AUTS2: variants seen among roughly 807,000 people sequenced by gnomAD.
AUTS2 encodes autism susceptibility gene 2 protein.
In AUTS2, 17 loss-of-function variants were observed where a neutral mutation model predicts 112.4. The observed-to-expected ratio is 0.15, with a 90% CI of 0.10 to 0.23. The LOEUF (loss-of-function observed/expected upper bound fraction) is 0.23. Among genes scored for constraint, AUTS2 ranks in the 10% least tolerant of loss-of-function variants. The pLI is 1.00. For missense variants in AUTS2, 1,510 were observed against 1,701.6 expected (o/e 0.89, Z 1.98); for synonymous variants, 751 against 702.7 (o/e 1.07, Z -1.09).
chr7:70,461,720 T>A (rs576367002), intron 5 of AUTS2, among the ~76,000 whole-genome samples: 7 of 152,192 alleles, frequency 4.6e-5, no homozygotes, highest in African/African-American at 1.2e-4. Flanking sequence ...TAAATTACCC[T>A]AGGACACATA....
chr7:69,697,912 T>C (rs1048730262), intron 1 of AUTS2, among the ~76,000 whole-genome samples: 2 of 152,192 alleles, frequency 1.3e-5, no homozygotes, highest in Admixed American at 6.5e-5. Flanking sequence ...TTCAAGTAGA[T>C]CAGACATTTT....
At chr7:69,695,411 T>C (rs1469186565) in intron 1 of AUTS2, among the ~76,000 whole-genome samples, 5 of 152,108 alleles carry the variant, frequency 3.3e-5, no homozygotes, top group Non-Finnish European at 5.9e-5. Flanking sequence ...GTTGGTCATA[T>C]AGAGGAAATA....
intron 2 of AUTS2, among the ~76,000 whole-genome samples, chr7:69,927,761 C>T (rs1796079257): frequency 1.3e-5 from 2 of 152,226 alleles, no homozygotes; most frequent in Admixed American, 1.3e-4. Context: ...GTACCGGCCC[C>T]ATGTGAGGCT....
chr7:70,380,682 C>G (rs1793327009), intron 4 of AUTS2, among the ~76,000 whole-genome samples: 2 of 152,220 alleles, frequency 1.3e-5, no homozygotes, highest in African/African-American at 4.8e-5. Flanking sequence ...GAACTGGCGA[C>G]CATGGGCTTT....
rs972006736 is a variant in AUTS2 at position 70,694,725 on chromosome 7, G to A, written c.691-3844G>A. The A allele has an allele frequency of 4.3e-4, 63 of 148,198 alleles. No homozygotes were observed. The highest frequency in any genetic ancestry group is 3.7e-3 in the Admixed American group (55 of 14,968). The allele number at this position is 148,198 out of a possible 1,614,324, so 9.2% of individuals were successfully genotyped here. A position where few individuals can be genotyped will look rare whatever the true frequency, so the allele number is the denominator to read the frequency against. The stretch of plus-strand genomic sequence containing the variant: ...CGGCGGGGAGACAGTGGCGAGCGCG[G>A]GCCGGGCGATCTCGGCGGGCGCGCT... On this transcript the variant is annotated intron_variant, in intron 5 of 18. Transcript: ENST00000342771. The surrounding 1 kb of genome is among the most constrained non-coding windows in gnomAD (Gnocchi z 4.1).
At chr7:70,371,197 T>C (rs1407432932) in intron 4 of AUTS2, among the ~76,000 whole-genome samples, 7 of 152,176 alleles carry the variant, frequency 4.6e-5, no homozygotes, top group African/African-American at 1.7e-4. Context: ...ATTTTAAATA[T>C]ACCAGCGTTC....
At chr7:70,127,493 A>G (rs1355947403) in intron 3 of AUTS2, among the ~76,000 whole-genome samples, 2 of 152,088 alleles carry the variant, frequency 1.3e-5, no homozygotes, top group Non-Finnish European at 2.9e-5. Flanking sequence ...TGTCAGCTTC[A>G]ACCTCACTTC....
intron 2 of AUTS2, among the ~76,000 whole-genome samples, chr7:70,047,169 T>C (rs1030373873): frequency 3.3e-5 from 5 of 152,344 alleles, no homozygotes; most frequent in Admixed American, 1.3e-4. Flanking sequence ...TAGAGGATGG[T>C]ATTTAAGAAA....
intron 2 of AUTS2, among the ~76,000 whole-genome samples, chr7:69,946,347 G>A (rs185765511): frequency 3.7e-4 from 56 of 152,200 alleles, no homozygotes; most frequent in African/African-American, 1.3e-3. Flanking sequence ...ATGGAGAACC[G>A]TGTAGAAGTT....
At chr7:70,739,149 C>T (rs1325152833) in intron 6 of AUTS2, among the ~76,000 whole-genome samples, 1 of 150,792 alleles carries the variant, frequency 6.6e-6, no homozygotes, top group Non-Finnish European at 1.5e-5. Flanking sequence ...GCTTCAGCCT[C>T]CTGGTTAGGT....
intron 5 of AUTS2, among the ~76,000 whole-genome samples, chr7:70,495,823 G>C (rs1227289689): frequency 2.0e-5 from 2 of 99,084 alleles, no homozygotes; most frequent in Non-Finnish European, 1.9e-5. Context: ...CATCAGCATC[G>C]ATCACACACC....
intron 4 of AUTS2, among the ~76,000 whole-genome samples, chr7:70,288,554 G>T (rs1227832496): frequency 6.6e-6 from 1 of 152,132 alleles, no homozygotes; most frequent in African/African-American, 2.4e-5. Context: ...TAGTCTACAG[G>T]TGTCTTTTCT....
At chr7:70,632,169 C>A (rs1290022817) in intron 5 of AUTS2, among the ~76,000 whole-genome samples, 1 of 152,002 alleles carries the variant, frequency 6.6e-6, no homozygotes, top group Non-Finnish European at 1.5e-5. Context: ...AGATCCTGGA[C>A]AGGGGTGATT....
intron 1 of AUTS2, among the ~76,000 whole-genome samples, chr7:69,627,342 T>C (rs1290172083): frequency 6.6e-6 from 1 of 151,946 alleles, no homozygotes; most frequent in Non-Finnish European, 1.5e-5. Flanking sequence ...AAATACAAAA[T>C]TAGCCAGGCG....
intron 1 of AUTS2, among the ~76,000 whole-genome samples, chr7:69,792,527 C>T (rs1789660465): frequency 6.6e-6 from 1 of 152,150 alleles, no homozygotes; most frequent in East Asian, 1.9e-4. Flanking sequence ...GTGTGAGCCA[C>T]CATGCCTGGC....
intron 17 of AUTS2, chr7:70,786,843 T>TA (rs1585693324): frequency 2.8e-6 from 1 of 355,556 alleles, no homozygotes; most frequent in East Asian, 7.7e-5. Flanking sequence ...TGAATCAATT[T>TA]AGAATTGTTA....
At chr7:70,055,450 A>G (rs1801950287) in intron 2 of AUTS2, among the ~76,000 whole-genome samples, 1 of 152,090 alleles carries the variant, frequency 6.6e-6, no homozygotes, top group African/African-American at 2.4e-5. Context: ...AAAAAATTCT[A>G]TATTTGATTT....
chr7:70,346,708 C>T (rs1791512468), intron 4 of AUTS2, among the ~76,000 whole-genome samples: 1 of 152,066 alleles, frequency 6.6e-6, no homozygotes, highest in Non-Finnish European at 1.5e-5. Context: ...CTTCACCTAC[C>T]ACATCATCTT....
At chr7:70,480,029 T>C (rs1358638336) in intron 5 of AUTS2, among the ~76,000 whole-genome samples, 1 of 152,198 alleles carries the variant, frequency 6.6e-6, no homozygotes, top group Non-Finnish European at 1.5e-5. Context: ...AGGCAGAGTA[T>C]GGTATGGCTG....
Sources: gnomAD v4.1 joint callset for allele counts (sites outside exome capture counted in the v4.1 genomes callset) on GRCh38, gnomAD v4.1.1 for gene constraint, Gnocchi (gnomAD v3.1) non-coding constraint, MANE v1.5 for transcripts, NCBI Gene and HGNC (gene_info 2026-07-23, HGNC 2026-07-21) for gene names.